MIS18A: variants seen among roughly 807,000 people sequenced by gnomAD.
MIS18A encodes the protein protein Mis18-alpha.
MIS18A carries 14 observed loss-of-function variants against 25.0 expected under a neutral mutation model. The observed-to-expected ratio is 0.56, with a 90% CI of 0.37 to 0.88. The LOEUF (loss-of-function observed/expected upper bound fraction) is 0.88. MIS18A is among the 40% of genes least tolerant of loss of function. The probability of loss-of-function intolerance (pLI) is 0.00; values close to 1 mark genes in which losing one functional copy is unlikely to be tolerated. For missense variants in MIS18A, 292 were observed against 290.8 expected, an observed-to-expected ratio of 1.00 and a Z score of -0.03; for synonymous variants, 134 against 118.6, an observed-to-expected ratio of 1.13 and a Z score of -0.84.
the MIS18A span, among the ~76,000 whole-genome samples, chr21:32,215,171 C>T: frequency 9.2e-5 from 14 of 152,140 alleles, no homozygotes; most frequent in Admixed American, 2.6e-4. Context: ...CAGAGACTAA[C>T]GTGATTTAAA....
In MIS18A at chr21:32,268,924, G is replaced by A. The variant is rs1054758978; in HGVS notation, c.*113C>T. On this transcript the variant is annotated 3_prime_UTR_variant, in exon 5 of 5. Coordinates refer to ENST00000290130, the MANE Select transcript of MIS18A (RefSeq NM_018944.3). Reference sequence around the variant, plus strand: ...TCCCACCTCAGCGTTTCGCATGCCTGGCTAATTTTTTTTTTCTTTTTTTTT... The same window carrying A: ...TCCCACCTCAGCGTTTCGCATGCCTAGCTAATTTTTTTTTTCTTTTTTTTT... 3.9e-6 allele frequency: 3 copies of A among 777,278 alleles called. No individual in the cohort carries two copies. The East Asian group carries it at 7.9e-5, about 21-fold the overall frequency. 48.1% of individuals were successfully genotyped at this position (777,278 alleles called of 1,614,324 possible). A position where few individuals can be genotyped will look rare whatever the true frequency, so the allele number is the denominator to read the frequency against.
the MIS18A span, among the ~76,000 whole-genome samples, chr21:32,170,660 A>C: frequency 1.3e-5 from 2 of 152,086 alleles, no homozygotes; most frequent in Non-Finnish European, 2.9e-5. Flanking sequence ...AAGCCTACCA[A>C]CATACACATA....
the MIS18A span, among the ~76,000 whole-genome samples, chr21:32,254,903 A>G: frequency 3.3e-5 from 5 of 152,258 alleles, no homozygotes; most frequent in Admixed American, 6.5e-5. Flanking sequence ...GTCTAGAAAC[A>G]GCCTAGTACA....
chr21:32,165,641 A>AT, the MIS18A span, among the ~76,000 whole-genome samples: 1 of 152,060 alleles, frequency 6.6e-6, no homozygotes, highest in Admixed American at 6.5e-5. Context: ...AGGAAAAAAA[A>AT]GAAAAGAAAA....
Position 32,274,862 on chromosome 21 carries a change from C to T in MIS18A, c.369G>A (p.Gln123=). The change falls in exon 2 of 5, where the codon CAG becomes CAA. Residue 123 remains glutamine (Q), a synonymous_variant. Transcript: ENST00000290130. ...VSCNVSVDKE[Q]KLSKREKENG... ...TTTCCTTTTCACGTTTGGATAGCTT[C>T]TGTTCCTTATCCACAGAAACATTAC... The T allele has an allele frequency of 6.2e-7, 1 of 1,613,052 alleles. No individual in the cohort carries two copies. Among genetic ancestry groups the T allele is most frequent in the Non-Finnish European group, 8.5e-7 (1 of 1,179,242 alleles).
At chr21:32,163,593 C>T in the MIS18A span, among the ~76,000 whole-genome samples, 2 of 152,116 alleles carry the variant, frequency 1.3e-5, no homozygotes, top group Admixed American at 1.3e-4. Flanking sequence ...GTGGGAGATC[C>T]CCTCCTACAG....
the MIS18A span, among the ~76,000 whole-genome samples, chr21:32,178,043 T>C: frequency 1.3e-5 from 2 of 151,960 alleles, no homozygotes; most frequent in African/African-American, 4.8e-5. Flanking sequence ...GCATCCTGAG[T>C]AGCTAGCTGA....
the MIS18A span, among the ~76,000 whole-genome samples, chr21:32,165,076 G>A: frequency 1.3e-5 from 2 of 152,332 alleles, no homozygotes; most frequent in South Asian, 4.1e-4. Flanking sequence ...GCTCATGCCT[G>A]TAATCCCAGC....
At chr21:32,273,898 C>T (rs941563061) in intron 2 of MIS18A, among the ~76,000 whole-genome samples, 4 of 152,242 alleles carry the variant, frequency 2.6e-5, no homozygotes, top group African/African-American at 9.6e-5. Context: ...TTTGCAGCAA[C>T]AATTATATAG....
the MIS18A span, among the ~76,000 whole-genome samples, chr21:32,214,786 G>A: frequency 2.6e-5 from 4 of 152,196 alleles, no homozygotes; most frequent in Non-Finnish European, 5.9e-5. Context: ...CTGCAGCCCG[G>A]CCCTTGCCCT....
chr21:32,204,500 AAAAAAAG>A, the MIS18A span, among the ~76,000 whole-genome samples: 1 of 149,194 alleles, frequency 6.7e-6, no homozygotes, highest in Non-Finnish European at 1.5e-5. Context: ...CCATCTCAGA[AAAAAAAG>A]AAAAAAGAAA....
At chr21:32,251,597 A>G in the MIS18A span, among the ~76,000 whole-genome samples, 1 of 152,224 alleles carries the variant, frequency 6.6e-6, no homozygotes, top group African/African-American at 2.4e-5. Flanking sequence ...GAACTTGTGC[A>G]TATCTCTTCT....
At chr21:32,239,833 G>A in the MIS18A span, among the ~76,000 whole-genome samples, 1 of 152,188 alleles carries the variant, frequency 6.6e-6, no homozygotes, top group East Asian at 1.9e-4. Flanking sequence ...TACGGGATTG[G>A]CACATTAATT....
At chr21:32,229,255 G>A in the MIS18A span, among the ~76,000 whole-genome samples, 1 of 152,164 alleles carries the variant, frequency 6.6e-6, no homozygotes, top group Non-Finnish European at 1.5e-5. Flanking sequence ...GTTCTTCAAG[G>A]ACATAGTCAT....
In MIS18A at chr21:32,269,040, G is replaced by C. The variant is rs747020541; in HGVS notation, c.699C>G (p.Ser233Arg). Residue 233 changes from serine (S) to arginine (R), a missense_variant, in exon 5 of 5, where the codon AGC (serine) becomes AGG (arginine). Physicochemically the swap from Ser to Arg is moderately radical, Grantham distance 110. Coordinates refer to ENST00000290130, the MANE Select transcript of MIS18A (RefSeq NM_018944.3). ...AATGGAGGACACAGACTAGAGTTCAGCTTTTACAAGTGGCAAAGGACAATT... is the reference window on the plus strand; with the variant it reads ...AATGGAGGACACAGACTAGAGTTCACCTTTTACAAGTGGCAAAGGACAATT... Reference protein sequence around the residue: ...ESKLSFATCKS With the variant: ...ESKLSFATCKR The C allele has an allele frequency of 6.3e-7, 1 of 1,598,946 alleles. No individual in the cohort carries two copies. Among genetic ancestry groups the C allele is most frequent in the Non-Finnish European group, 8.5e-7 (1 of 1,170,232 alleles).
chr21:32,272,136 T>C (rs1458669591), intron 2 of MIS18A, among the ~76,000 whole-genome samples: 1 of 152,244 alleles, frequency 6.6e-6, no homozygotes, highest in African/African-American at 2.4e-5. Context: ...TTGGCCAGCA[T>C]TCACCCCTTT....
At chr21:32,242,158 G>A in the MIS18A span, among the ~76,000 whole-genome samples, 2 of 152,246 alleles carry the variant, frequency 1.3e-5, no homozygotes, top group Non-Finnish European at 2.9e-5. Context: ...GGGATTACAG[G>A]CGCGAGCCAT....
At chr21:32,236,226 C>CA in the MIS18A span, among the ~76,000 whole-genome samples, 18 of 148,378 alleles carry the variant, frequency 1.2e-4, 2 homozygotes, top group South Asian at 3.6e-3. Context: ...AAAAAAAATA[C>CA]AAAAAAATTA....
chr21:32,269,536 T>A (rs1000043346), intron 4 of MIS18A, 171 bp downstream of exon 4: 2 of 552,772 alleles, frequency 3.6e-6, no homozygotes, highest in African/African-American at 3.9e-5. Flanking sequence ...TTGATTAAGC[T>A]TTAGCTTTTG....
Sources: gnomAD v4.1 joint callset for allele counts (sites outside exome capture counted in the v4.1 genomes callset) on GRCh38, gnomAD v4.1.1 for gene constraint, MANE v1.5 for transcripts, NCBI Gene and HGNC (gene_info 2026-07-23, HGNC 2026-07-21) for gene names.